The following SLC26A4 variants were observed in gnomAD, a reference collection of about 807,000 sequenced individuals.
SLC26A4 encodes the protein pendrin.
In SLC26A4, 93 loss-of-function variants were observed where a neutral mutation model predicts 90.4. The ratio of observed to expected loss-of-function variants is 1.03; its 90% CI spans 0.87 to 1.22. The LOEUF is 1.22. Among genes scored for constraint, SLC26A4 ranks in the 50% most tolerant of loss-of-function variants. The pLI is 0.00. For missense variants in SLC26A4, 1,127 were observed against 946.2 expected, an observed-to-expected ratio of 1.19 and a Z score of -2.51; for synonymous variants, 393 against 354.6, an observed-to-expected ratio of 1.11 and a Z score of -1.22.
chr7:107,668,134 G>T (rs370269683), intron 3 of SLC26A4, among the ~76,000 whole-genome samples: 1 of 152,164 alleles, frequency 6.6e-6, no homozygotes, highest in Non-Finnish European at 1.5e-5. Flanking sequence ...CTTCAGTCCA[G>T]TTTATCTAGC....
At position 107,661,578 on chromosome 7, in the gene SLC26A4, T is replaced by TC. The variant is rs1402339554; in HGVS notation, c.-3-57dup. On this transcript the variant is annotated intron_variant, in intron 1 of 20. Coordinates refer to ENST00000644269, the MANE Select transcript of SLC26A4 (RefSeq NM_000441.2). This position sits in a 1 kb window ranked among gnomAD's most constrained non-coding sequence, Gnocchi z 5.1. ...TCCCGTTCTTTCTGTTCCTCGCTCT[T>TC]CCCCTCCGATCGTCCTCGCTTACCG... The TC allele has an allele frequency of 6.6e-7, 1 of 1,504,306 alleles. No homozygotes were observed. Among genetic ancestry groups the TC allele is most frequent in the Non-Finnish European group, 8.9e-7 (1 of 1,117,548 alleles). The allele number at this position is 1,504,306 out of a possible 1,614,324, so 93.2% of individuals were successfully genotyped here.
chr7:107,686,107 G>C (rs970813711), intron 8 of SLC26A4, among the ~76,000 whole-genome samples: 4 of 150,134 alleles, frequency 2.7e-5, no homozygotes, highest in African/African-American at 4.9e-5. Flanking sequence ...GTGTGTGTGT[G>C]GGTGTGTGTG....
intron 4 of SLC26A4, among the ~76,000 whole-genome samples, chr7:107,673,693 T>C (rs1374854122): frequency 1.3e-5 from 2 of 152,132 alleles, no homozygotes; most frequent in Non-Finnish European, 2.9e-5. Flanking sequence ...CGCCTATTTC[T>C]AGGTCATGAA....
In SLC26A4 at chr7:107,661,874, G is replaced by A. The variant is rs560404211; in HGVS notation, c.164+69G>A. On this transcript the variant is annotated intron_variant, in intron 2 of 20. Coordinates refer to ENST00000644269, the MANE Select transcript of SLC26A4 (RefSeq NM_000441.2). This position sits in a 1 kb window ranked among gnomAD's most constrained non-coding sequence, Gnocchi z 5.1. ...GTCCACGCCTTGGGGAGGGAAGGGC[G>A]TCCCCAGCGGGCGAGAGTGGGGTGC... 6.1e-6 allele frequency: 9 copies of A among 1,475,020 alleles called. No individual in the cohort carries two copies. The East Asian group carries it at 7.6e-5, about 12-fold the overall frequency. 91.4% of individuals were successfully genotyped at this position (1,475,020 alleles called of 1,614,324 possible). A position where few individuals can be genotyped will look rare whatever the true frequency, so the allele number is the denominator to read the frequency against.
In SLC26A4 at chr7:107,683,328, G is replaced by A. The variant is rs1367107065; in HGVS notation, c.892G>A (p.Val298Ile). 1 of 1,613,800 alleles carries A rather than the reference G, an allele frequency of 6.2e-7. No homozygotes were observed. The highest frequency in any genetic ancestry group is 2.2e-5 in the East Asian group (1 of 44,870). Residue 298 changes from valine (V) to isoleucine (I), a missense_variant, in exon 7 of 21, where the codon GTC becomes ATC. Val to Ile is a conservative substitution (Grantham distance 29, BLOSUM62 3). Coordinates refer to ENST00000644269, the MANE Select transcript of SLC26A4 (RefSeq NM_000441.2). ...TGATCGGTTTAGACACAAAATCCCA[G>A]TCCCTATTCCTATAGAAGTAATTGT... Reference protein sequence around the residue: ...LNDRFRHKIPVPIPIEVIVTI... With the variant: ...LNDRFRHKIPIPIPIEVIVTI...
rs150475834 is a variant in SLC26A4, at chr7:107,677,210, C to A, written c.765+2101C>A. Among the ~76,000 whole-genome samples, 33 of 152,044 alleles carry A rather than the reference C, an allele frequency of 2.2e-4. 1 individual carries two copies. The East Asian group carries it at 5.8e-3, about 27-fold the overall frequency. ...AATAACAGCAACAACAAACAAAAAA[C>A]CAAAAACAAACAAAAAAGATCATGG... On this transcript the variant is annotated intron_variant, in intron 6 of 20. Coordinates refer to ENST00000644269, the MANE Select transcript of SLC26A4 (RefSeq NM_000441.2).
rs1554358492 is a variant in SLC26A4, at chr7:107,689,041, A to G, written c.1002-12A>G. 1 of 1,613,732 alleles carries G rather than the reference A, an allele frequency of 6.2e-7. No homozygotes were observed. The highest frequency in any genetic ancestry group is 8.5e-7 in the Non-Finnish European group (1 of 1,179,700). The stretch of plus-strand genomic sequence containing the variant: ...AAATCTTCACAGCATTTTTCACTTA[A>G]AAACTCACTAGGTTTTTGCCTCCTG... On this transcript the variant is annotated splice_polypyrimidine_tract_variant and intron_variant, in intron 8 of 20. Coordinates refer to ENST00000644269, the MANE Select transcript of SLC26A4 (RefSeq NM_000441.2).
intron 19 of SLC26A4, 24 bp downstream of exon 19, chr7:107,710,223 A>G (rs778630806): frequency 3.9e-5 from 58 of 1,503,754 alleles, no homozygotes; most frequent in Non-Finnish European, 4.7e-5. Context: ...CTTTCTACAG[A>G]TGTATCTTTT....
intron 9 of SLC26A4, 145 bp from the exon 10 acceptor site, chr7:107,689,979 G>T (rs1327038075): frequency 1.4e-6 from 1 of 706,150 alleles, no homozygotes. Context: ...AGGACCCCAA[G>T]TACCTATCAC....
intron 17 of SLC26A4, among the ~76,000 whole-genome samples, chr7:107,702,684 CAA>C (rs11462799): frequency 1.0e-4 from 10 of 99,212 alleles, no homozygotes; most frequent in Admixed American, 3.3e-4. Flanking sequence ...GACTTCATCT[CAA>C]AAAAAAAAAA....
intron 3 of SLC26A4, among the ~76,000 whole-genome samples, chr7:107,671,035 C>T (rs1330811658): frequency 6.6e-6 from 1 of 152,022 alleles, no homozygotes; most frequent in African/African-American, 2.4e-5. Flanking sequence ...CTTTTCTTCC[C>T]CACCAAAAAA....
chr7:107,670,981 G>T (rs1027453438), intron 3 of SLC26A4, among the ~76,000 whole-genome samples: 1 of 151,692 alleles, frequency 6.6e-6, no homozygotes, highest in Non-Finnish European at 1.5e-5. Context: ...GAGTTGTCTT[G>T]TCTGCTGCTG....
At position 107,690,196 on chromosome 7, in the gene SLC26A4, T is replaced by C. The variant is rs1437722795; in HGVS notation, c.1222T>C (p.Ser408Pro). Residue 408 changes from serine to proline, a missense_variant, in exon 10 of 21, where the codon TCC becomes CCC. Transcript: ENST00000644269. ...TTGTTTTGTGGCCACCACTGCTCTTTCCCGCACGGCCGTCCAGGAGAGCAC... is the reference window on the plus strand; with the variant it reads ...TTGTTTTGTGGCCACCACTGCTCTTCCCCGCACGGCCGTCCAGGAGAGCAC... Reference protein sequence around the residue: ...FSCFVATTALSRTAVQESTGG... With the variant: ...FSCFVATTALPRTAVQESTGG... The C allele has an allele frequency of 1.2e-6, 2 of 1,612,998 alleles. No homozygotes were observed. The highest frequency in any genetic ancestry group is 1.7e-6 in the Non-Finnish European group (2 of 1,179,074).
intron 8 of SLC26A4, among the ~76,000 whole-genome samples, chr7:107,684,891 T>G (rs1303573662): frequency 1.3e-5 from 2 of 152,160 alleles, no homozygotes; most frequent in Non-Finnish European, 2.9e-5. Context: ...TTATAGGTGG[T>G]CCACAGAGCA....
At chr7:107,712,498 T>G (rs1365651854) in intron 19 of SLC26A4, 41 bp from the exon 20 acceptor site, 1 of 993,796 alleles carries the variant, frequency 1.0e-6, no homozygotes, top group South Asian at 1.3e-5. Flanking sequence ...ATCAGGTGGG[T>G]TGATGCTATT....
chr7:107,694,086 T>G (rs903882458), intron 10 of SLC26A4, among the ~76,000 whole-genome samples: 1 of 152,152 alleles, frequency 6.6e-6, no homozygotes, highest in Non-Finnish European at 1.5e-5. Context: ...AACTAGAAGC[T>G]TGGCCTGAAT....
At chr7:107,683,897 C>G (rs542344711) in intron 8 of SLC26A4, among the ~76,000 whole-genome samples, 12 of 152,286 alleles carry the variant, frequency 7.9e-5, no homozygotes, top group African/African-American at 2.9e-4. Context: ...CTTAAGGAAT[C>G]AGGGACGTCT....
chr7:107,712,048 A>G (rs1461586964), intron 19 of SLC26A4, among the ~76,000 whole-genome samples: 1 of 152,210 alleles, frequency 6.6e-6, no homozygotes, highest in Non-Finnish European at 1.5e-5. Flanking sequence ...CCACCTCTAA[A>G]CAGTAGAGCT....
intron 10 of SLC26A4, 116 bp from the exon 11 acceptor site, chr7:107,694,287 A>C: frequency 1.3e-6 from 1 of 778,734 alleles, no homozygotes; most frequent in East Asian, 2.6e-5. Flanking sequence ...CAGAAGGGGG[A>C]GACAGGGAAG....
Sources: gnomAD v4.1 joint callset for allele counts (sites outside exome capture counted in the v4.1 genomes callset) on GRCh38, gnomAD v4.1.1 for gene constraint, Gnocchi (gnomAD v3.1) non-coding constraint, MANE v1.5 for transcripts, NCBI Gene and HGNC (gene_info 2026-07-23, HGNC 2026-07-21) for gene names.